Variants in CDH18 observed in about 807,000 individuals in gnomAD.
The protein encoded by CDH18 is cadherin 18.
In CDH18, 31 loss-of-function variants were observed where a neutral mutation model predicts 67.9. The observed-to-expected ratio is 0.46, with a 90% CI of 0.34 to 0.62. The LOEUF (loss-of-function observed/expected upper bound fraction) is 0.62, where lower values mean the gene tolerates loss of function less well. Among genes scored for constraint, CDH18 ranks in the 20% least tolerant of loss-of-function variants. The pLI is 0.01. For missense variants in CDH18, 890 were observed against 975.5 expected (o/e 0.91, Z 1.17); for synonymous variants, 362 against 347.2 (o/e 1.04, Z -0.48).
chr5:20,053,380 C>G (rs1311407820), intron 2 of CDH18, among the ~76,000 whole-genome samples: 1 of 151,530 alleles, frequency 6.6e-6, no homozygotes, highest in Non-Finnish European at 1.5e-5. Context: ...TTTTTTATTT[C>G]TTAGTGAGTC....
At chr5:20,422,846 C>A (rs546490368) in intron 1 of CDH18, among the ~76,000 whole-genome samples, 4 of 151,006 alleles carry the variant, frequency 2.6e-5, no homozygotes, top group Non-Finnish European at 5.9e-5. Context: ...TTATAAAGCT[C>A]ATAATCAAGT....
In CDH18 at chr5:19,926,805, C is replaced by T. The variant is rs569287190; in HGVS notation, c.-257+54255G>A. ...TGAAAAGGTATGCCAAGATATTTCA[C>T]AATTTCATGCCTAGAAATAAAACGT... On this transcript the variant is annotated intron_variant, in intron 2 of 12. Transcript: ENST00000382275. Among the ~76,000 whole-genome samples the T allele has an allele frequency of 1.4e-4, 21 of 152,054 alleles. No individual in the cohort carries two copies. The South Asian group carries it at 2.7e-3, about 20-fold the overall frequency.
At chr5:19,624,171 C>T in intron 5 of CDH18, among the ~76,000 whole-genome samples, 1 of 151,876 alleles carries the variant, frequency 6.6e-6, no homozygotes, top group East Asian at 1.9e-4. Context: ...CCATGCCCAG[C>T]TAATTTTGTA....
At chr5:19,629,610 T>A (rs1206684257) in intron 5 of CDH18, among the ~76,000 whole-genome samples, 13 of 152,206 alleles carry the variant, frequency 8.5e-5, no homozygotes, top group Non-Finnish European at 1.9e-4. Flanking sequence ...ATCTATCTAA[T>A]CTTAATGAAT....
chr5:20,047,661 T>C (rs1741026623), intron 2 of CDH18, among the ~76,000 whole-genome samples: 1 of 151,826 alleles, frequency 6.6e-6, no homozygotes, highest in Non-Finnish European at 1.5e-5. Flanking sequence ...TGATTTTGAA[T>C]CTGCTATTCA....
chr5:19,718,749 C>A (rs1429206614), intron 5 of CDH18, among the ~76,000 whole-genome samples: 2 of 151,912 alleles, frequency 1.3e-5, no homozygotes, highest in Non-Finnish European at 2.9e-5. Context: ...TATTAACACA[C>A]ATCAAAGTGG....
chr5:20,037,446 C>T (rs974192467), intron 2 of CDH18, among the ~76,000 whole-genome samples: 5 of 152,032 alleles, frequency 3.3e-5, no homozygotes, highest in South Asian at 4.1e-4. Context: ...AAATTGACCA[C>T]ACAATTGGAA....
intron 1 of CDH18, among the ~76,000 whole-genome samples, chr5:20,385,581 GT>G (rs1744252740): frequency 6.6e-6 from 1 of 152,108 alleles, no homozygotes; most frequent in South Asian, 2.1e-4. Flanking sequence ...ATGGGAAAAC[GT>G]TATGGCTCCC....
chr5:19,774,471 G>A (rs138857053), intron 3 of CDH18, among the ~76,000 whole-genome samples: 138 of 61,860 alleles, frequency 2.2e-3, no homozygotes, highest in East Asian at 7.2e-3. Flanking sequence ...ATAGTAAGGG[G>A]AAATACTGAT....
intron 5 of CDH18, among the ~76,000 whole-genome samples, chr5:19,673,119 G>A (rs1580804318): frequency 6.6e-6 from 1 of 151,970 alleles, no homozygotes; most frequent in Non-Finnish European, 1.5e-5. Context: ...AGACATTGAG[G>A]AAATGAGAGA....
At chr5:19,741,215 G>C (rs13168793) in intron 4 of CDH18, among the ~76,000 whole-genome samples, 1 of 138,054 alleles carries the variant, frequency 7.2e-6, no homozygotes, top group Non-Finnish European at 1.6e-5. Context: ...TGTCATATAT[G>C]TATATATACA....
At chr5:19,558,146 G>A (rs1170103413) in intron 8 of CDH18, among the ~76,000 whole-genome samples, 1 of 151,986 alleles carries the variant, frequency 6.6e-6, no homozygotes, top group East Asian at 1.9e-4. Flanking sequence ...AGCAAAAGTG[G>A]TGCCAAGTGG....
intron 7 of CDH18, among the ~76,000 whole-genome samples, chr5:19,574,730 C>T (rs1279670887): frequency 6.7e-6 from 1 of 149,700 alleles, no homozygotes; most frequent in African/African-American, 2.5e-5. Flanking sequence ...AGTTGTCTTC[C>T]ACGCTTTCTT....
intron 8 of CDH18, among the ~76,000 whole-genome samples, chr5:19,565,898 A>T (rs2149906850): frequency 6.6e-6 from 1 of 152,310 alleles, no homozygotes; most frequent in South Asian, 2.1e-4. Context: ...AAGCTTCTGC[A>T]CATCAAAGAA....
intron 1 of CDH18, among the ~76,000 whole-genome samples, chr5:20,296,939 A>C (rs1322486785): frequency 1.3e-5 from 2 of 151,862 alleles, no homozygotes; most frequent in African/African-American, 4.8e-5. Flanking sequence ...AGATTCTGTT[A>C]CATAAATAAG....
chr5:20,126,804 T>TA (rs1440965905), intron 2 of CDH18, among the ~76,000 whole-genome samples: 3 of 151,880 alleles, frequency 2.0e-5, no homozygotes, highest in Admixed American at 6.6e-5. Context: ...TATCAAAAAC[T>TA]AAAAAAAACA....
At position 19,472,864 on chromosome 5, in the gene CDH18, C is replaced by A; in HGVS notation, c.*362G>T. On this transcript the variant is annotated 3_prime_UTR_variant, in exon 13 of 13. Transcript: ENST00000382275. ...CCTATAAGTCATAACCACCAGTGATCTTGAGCCTTTCTGTTTAGTTTTGCT... is the reference window on the plus strand; with the variant it reads ...CCTATAAGTCATAACCACCAGTGATATTGAGCCTTTCTGTTTAGTTTTGCT... 1 of 187,406 alleles carries A rather than the reference C, an allele frequency of 5.3e-6. No homozygotes were observed. 11.6% of individuals were successfully genotyped at this position (187,406 alleles called of 1,614,324 possible). A position where few individuals can be genotyped will look rare whatever the true frequency, so the allele number is the denominator to read the frequency against.
At chr5:20,356,513 T>A (rs1210476669) in intron 1 of CDH18, among the ~76,000 whole-genome samples, 1 of 152,146 alleles carries the variant, frequency 6.6e-6, no homozygotes, top group Non-Finnish European at 1.5e-5. Flanking sequence ...TTCATCTGAC[T>A]AGAGATTTAT....
intron 2 of CDH18, among the ~76,000 whole-genome samples, chr5:20,144,835 A>G (rs1750516175): frequency 6.6e-6 from 1 of 152,170 alleles, no homozygotes; most frequent in Non-Finnish European, 1.5e-5. Context: ...GATGACTGGG[A>G]TTCTTATAAA....
Sources: gnomAD v4.1 joint callset for allele counts (sites outside exome capture counted in the v4.1 genomes callset) on GRCh38, gnomAD v4.1.1 for gene constraint, MANE v1.5 for transcripts, NCBI Gene and HGNC (gene_info 2026-07-23, HGNC 2026-07-21) for gene names.